Variants in NXPE4 observed in about 807,000 individuals in gnomAD.
NXPE4 encodes neurexophilin and PC-esterase domain family member 4.
Under a neutral mutation model 33.3 loss-of-function variants are expected in NXPE4, and 42 were observed. That is an observed-to-expected ratio of 1.26 (90% CI 0.98 to 1.63). The LOEUF (loss-of-function observed/expected upper bound fraction) is 1.63, where lower values mean the gene tolerates loss of function less well. NXPE4 is among the 40% of genes most tolerant of loss of function. The pLI, the probability that NXPE4 is intolerant of heterozygous loss-of-function variation, is 0.00. For missense variants in NXPE4, 709 were observed against 647.6 expected (o/e 1.09, Z -1.03); for synonymous variants, 253 against 234.9 (o/e 1.08, Z -0.71).
At position 114,583,295 on chromosome 11, in the gene NXPE4, T is replaced by C. The variant is rs993984616; in HGVS notation, c.97-274A>G. ...CACCAGGAGGAAAGTCTGTTACTAC[T>C]ACGATAGGGGTGTTGGAAATTACTA... On this transcript the variant is annotated intron_variant, in intron 2 of 5. Transcript: ENST00000375478. 3 of 639,846 alleles carry C rather than the reference T, an allele frequency of 4.7e-6. No individual in the cohort carries two copies. In the Admixed American group the frequency reaches 6.5e-5, roughly 14 times the overall value. The allele number at this position is 639,846 out of a possible 1,614,324, so 39.6% of individuals were successfully genotyped here. A position where few individuals can be genotyped will look rare whatever the true frequency, so the allele number is the denominator to read the frequency against.
chr11:114,629,472 C>T, the NXPE4 span, among the ~76,000 whole-genome samples: 5 of 149,272 alleles, frequency 3.3e-5, no homozygotes, highest in Admixed American at 2.7e-4. Context: ...ATTCAACAAC[C>T]CTTCATGCTA....
At chr11:114,617,756 A>G in the NXPE4 span, among the ~76,000 whole-genome samples, 1 of 152,094 alleles carries the variant, frequency 6.6e-6, no homozygotes, top group Admixed American at 6.6e-5. Context: ...AACCACTGTT[A>G]CCATGTGGAT....
the NXPE4 span, among the ~76,000 whole-genome samples, chr11:114,611,091 G>C: frequency 6.6e-6 from 1 of 151,704 alleles, no homozygotes; most frequent in East Asian, 2.0e-4. Flanking sequence ...GATAATAAGT[G>C]TTGCCTCGTG....
the NXPE4 span, among the ~76,000 whole-genome samples, chr11:114,646,000 T>G: frequency 6.6e-6 from 1 of 152,132 alleles, no homozygotes; most frequent in Non-Finnish European, 1.5e-5. Flanking sequence ...TATCTATTGG[T>G]TAGTACTTCA....
At chr11:114,576,187 T>C (rs189460518) in intron 5 of NXPE4, among the ~76,000 whole-genome samples, 12 of 152,238 alleles carry the variant, frequency 7.9e-5, no homozygotes, top group East Asian at 1.9e-4. Flanking sequence ...TCTTACCTTA[T>C]ACAAAAATCA....
chr11:114,633,423 A>G, the NXPE4 span, among the ~76,000 whole-genome samples: 1 of 145,658 alleles, frequency 6.9e-6, no homozygotes, highest in African/African-American at 2.5e-5. Context: ...TATGTTATAT[A>G]CAATATAGTA....
At chr11:114,639,053 G>C in the NXPE4 span, among the ~76,000 whole-genome samples, 7 of 152,088 alleles carry the variant, frequency 4.6e-5, no homozygotes, top group Admixed American at 3.3e-4. Flanking sequence ...TTGTTTGTCT[G>C]TGCCCTGCCC....
At chr11:114,597,750 T>C (rs999664436), upstream of NXPE4, among the ~76,000 whole-genome samples, 1 of 151,882 alleles carries the variant, frequency 6.6e-6, no homozygotes, top group African/African-American at 2.4e-5. Context: ...AAAATGGAGG[T>C]ACATGTCAAA....
chr11:114,676,852 C>T, the NXPE4 span, among the ~76,000 whole-genome samples: 15 of 152,062 alleles, frequency 9.9e-5, no homozygotes, highest in South Asian at 8.3e-4. Flanking sequence ...ATGGAAACAA[C>T]GTTAAGTATG....
At chr11:114,670,084 G>A in the NXPE4 span, among the ~76,000 whole-genome samples, 1 of 151,970 alleles carries the variant, frequency 6.6e-6, no homozygotes, top group Non-Finnish European at 1.5e-5. Context: ...TCAAAGACTG[G>A]TCTCAAAAAC....
chr11:114,624,298 G>C, the NXPE4 span, among the ~76,000 whole-genome samples: 12 of 152,002 alleles, frequency 7.9e-5, no homozygotes, highest in African/African-American at 2.7e-4. Context: ...CTGTTACCCG[G>C]TGGATAATAA....
At chr11:114,636,181 T>G in the NXPE4 span, among the ~76,000 whole-genome samples, 1 of 151,972 alleles carries the variant, frequency 6.6e-6, no homozygotes. Context: ...TTCTTCCTGG[T>G]TTAGTCTTAG....
rs1250311890 is a variant in NXPE4 at position 114,580,176 on chromosome 11, G to C, written c.1055C>G (p.Ser352Cys). The C allele has an allele frequency of 6.2e-7, 1 of 1,613,972 alleles. No homozygotes were observed. The highest frequency in any genetic ancestry group is 8.5e-7 in the Non-Finnish European group (1 of 1,179,954). The change falls in exon 5 of 6, where the codon TCC becomes TGC. Residue 352 changes from serine (S) to cysteine (C), a missense_variant. By Grantham distance (112) the Ser-to-Cys change is moderately radical. Transcript: ENST00000375478. The part of the protein sequence containing the change: ...RGKLIYLMGD[S>C]TIRQWMEYFK... ...GTATTCCATCCACTGGCGGATCGTG[G>C]AATCTCCCATTAGGTATATGAGTTT... is the stretch of plus-strand genomic sequence containing the variant.
intron 2 of NXPE4, among the ~76,000 whole-genome samples, chr11:114,588,456 C>G (rs1428093704): frequency 6.6e-6 from 1 of 152,080 alleles, no homozygotes; most frequent in Non-Finnish European, 1.5e-5. Flanking sequence ...TAAGCCAAAC[C>G]CTAACTGCAG....
the NXPE4 span, among the ~76,000 whole-genome samples, chr11:114,656,734 A>C: frequency 6.6e-6 from 1 of 152,168 alleles, no homozygotes. Flanking sequence ...TATATGAAAA[A>C]TATTTGTAAT....
chr11:114,596,698 A>T (rs78075509), upstream of NXPE4, among the ~76,000 whole-genome samples: 2,858 of 152,294 alleles, frequency 0.019, 88 homozygotes, highest in African/African-American at 0.065. Flanking sequence ...GCCTATAATA[A>T]GAAAAAAGTA....
chr11:114,635,392 C>T, the NXPE4 span, among the ~76,000 whole-genome samples: 2 of 151,036 alleles, frequency 1.3e-5, no homozygotes, highest in South Asian at 2.1e-4. Flanking sequence ...TCTAGATATA[C>T]AATCATGTCG....
chr11:114,672,099 C>T, the NXPE4 span, among the ~76,000 whole-genome samples: 1 of 151,922 alleles, frequency 6.6e-6, no homozygotes, highest in Non-Finnish European at 1.5e-5. Context: ...ACAACCAGAT[C>T]TCATGAGAAC....
At chr11:114,621,681 C>T in the NXPE4 span, among the ~76,000 whole-genome samples, 1 of 152,132 alleles carries the variant, frequency 6.6e-6, no homozygotes, top group Non-Finnish European at 1.5e-5. Context: ...ATAAGTGATG[C>T]CTCATTGGTA....
Sources: gnomAD v4.1 joint callset for allele counts (sites outside exome capture counted in the v4.1 genomes callset) on GRCh38, gnomAD v4.1.1 for gene constraint, MANE v1.5 for transcripts, NCBI Gene and HGNC (gene_info 2026-07-23, HGNC 2026-07-21) for gene names.